The following CNNM1 variants were observed in gnomAD, a reference collection of about 807,000 sequenced individuals.
CNNM1 encodes metal transporter CNNM1.
In CNNM1, 44 loss-of-function variants were observed where a neutral mutation model predicts 78.8. The observed-to-expected ratio is 0.56, with a 90% CI of 0.44 to 0.72. The LOEUF is 0.72. Among genes scored for constraint, CNNM1 ranks in the 30% least tolerant of loss-of-function variants. CNNM1 has a pLI of 0.00. For missense variants in CNNM1, 1,101 were observed against 1,292.2 expected (o/e 0.85, Z 2.27); for synonymous variants, 584 against 581.5 (o/e 1.00, Z -0.06).
chr10:99,356,568 G>GAAAGAAAGAAAAGAAAAGAAAGAA (rs771808053), intron 1 of CNNM1, among the ~76,000 whole-genome samples: 2 of 112,742 alleles, frequency 1.8e-5, no homozygotes, highest in Non-Finnish European at 3.6e-5. Flanking sequence ...CAGACAGAAA[G>GAAAGAAAGAAAAGAAAAGAAAGAA]AAAGAAAGAA....
At chr10:99,370,713 A>C (rs1439048795) in intron 6 of CNNM1, among the ~76,000 whole-genome samples, 1 of 152,230 alleles carries the variant, frequency 6.6e-6, no homozygotes, top group African/African-American at 2.4e-5. Context: ...TTCTCCTAGA[A>C]TATACCAAAG....
intron 1 of CNNM1, among the ~76,000 whole-genome samples, chr10:99,332,137 A>G (rs1269491931): frequency 5.9e-5 from 9 of 152,198 alleles, no homozygotes. Flanking sequence ...AATCAAATCT[A>G]CTTTCAAGAG....
chr10:99,346,081 G>A (rs2030683025), intron 1 of CNNM1, among the ~76,000 whole-genome samples: 1 of 152,106 alleles, frequency 6.6e-6, no homozygotes, highest in Admixed American at 6.5e-5. Context: ...AATCATAGGA[G>A]CCTTTAATGC....
chr10:99,338,998 C>T lies in CNNM1; in HGVS notation c.1573+8038C>T, dbSNP rs992619522. ...CTATTATTGGATTGCTTTTAGGAGA[C>T]ACTGAGTTCTGTATAGACAACAGGG... On this transcript the variant is annotated intron_variant, in intron 1 of 10. Transcript: ENST00000356713. 2.0e-5 allele frequency among the ~76,000 whole-genome samples: 3 copies of T among 152,180 alleles called. No homozygotes were observed. In the South Asian group the frequency reaches 6.2e-4, roughly 32 times the overall value.
At chr10:99,345,868 A>T (rs988541187) in intron 1 of CNNM1, among the ~76,000 whole-genome samples, 13 of 152,120 alleles carry the variant, frequency 8.5e-5, no homozygotes, top group East Asian at 5.8e-4. Flanking sequence ...ATTTAAAAAA[A>T]TTTTTTTAAG....
intron 7 of CNNM1, among the ~76,000 whole-genome samples, chr10:99,380,182 A>G (rs1047263506): frequency 6.6e-6 from 1 of 152,030 alleles, no homozygotes; most frequent in African/African-American, 2.4e-5. Flanking sequence ...TCACCCTTAT[A>G]TCCTAATCAC....
At chr10:99,377,313 G>A in intron 7 of CNNM1, 95 bp downstream of exon 7, 2 of 1,166,272 alleles carry the variant, frequency 1.7e-6, no homozygotes, top group South Asian at 1.5e-5. Flanking sequence ...TAGGAGGGAT[G>A]TGTGCACCAT....
At chr10:99,375,488 C>T (rs781771633) in intron 6 of CNNM1, among the ~76,000 whole-genome samples, 2 of 152,120 alleles carry the variant, frequency 1.3e-5, no homozygotes, top group African/African-American at 2.4e-5. Context: ...ATGACACTTA[C>T]TGAGAAGGGG....
intron 7 of CNNM1, among the ~76,000 whole-genome samples, chr10:99,387,044 T>G (rs899608868): frequency 6.6e-6 from 1 of 152,220 alleles, no homozygotes; most frequent in Admixed American, 6.5e-5. Flanking sequence ...TAGTCTGTTT[T>G]CACTGCTAGC....
chr10:99,390,034 T>C (rs1432127719), intron 9 of CNNM1, among the ~76,000 whole-genome samples: 1 of 152,206 alleles, frequency 6.6e-6, no homozygotes, highest in Non-Finnish European at 1.5e-5. Flanking sequence ...AAACAGTGTT[T>C]GAGAAGAGGG....
At chr10:99,367,547 G>C (rs2031663929) in intron 6 of CNNM1, among the ~76,000 whole-genome samples, 3 of 152,070 alleles carry the variant, frequency 2.0e-5, no homozygotes, top group African/African-American at 7.2e-5. Context: ...ATACAGTTTG[G>C]TGTATACATT....
chr10:99,357,708 C>T, intron 2 of CNNM1, 53 bp downstream of exon 2: 1 of 1,491,828 alleles, frequency 6.7e-7, no homozygotes, highest in Non-Finnish European at 9.0e-7. Flanking sequence ...TCCTCCAAGA[C>T]TCTCAGGTAA....
At chr10:99,369,482 C>T (rs570649484) in intron 6 of CNNM1, among the ~76,000 whole-genome samples, 6 of 152,260 alleles carry the variant, frequency 3.9e-5, no homozygotes, top group Admixed American at 2.0e-4. Context: ...CCTCAGTCAT[C>T]GAGAAATCGC....
At chr10:99,350,723 C>T (rs1342575449) in intron 1 of CNNM1, among the ~76,000 whole-genome samples, 1 of 152,130 alleles carries the variant, frequency 6.6e-6, no homozygotes, top group African/African-American at 2.4e-5. Flanking sequence ...TGGTTTGCTG[C>T]ACCTATCAAC....
chr10:99,378,251 C>G (rs933850792), intron 7 of CNNM1, among the ~76,000 whole-genome samples: 2 of 152,118 alleles, frequency 1.3e-5, no homozygotes, highest in African/African-American at 4.8e-5. Context: ...CGTGAGCCAC[C>G]GCGCCCAGCC....
chr10:99,350,079 T>C (rs183294650), intron 1 of CNNM1, among the ~76,000 whole-genome samples: 19 of 152,310 alleles, frequency 1.2e-4, no homozygotes, highest in Admixed American at 9.2e-4. Flanking sequence ...AGGGCAGGGA[T>C]GGGACCTCAG....
chr10:99,356,604 G>GAAAAAT (rs67360569), intron 1 of CNNM1, among the ~76,000 whole-genome samples: 2 of 64,696 alleles, frequency 3.1e-5, no homozygotes, highest in East Asian at 1.1e-3. Flanking sequence ...AAGAAAGAAA[G>GAAAAAT]AAAAGAAAGA....
At chr10:99,368,655 A>AG in intron 6 of CNNM1, 1 of 1,289,632 alleles carries the variant, frequency 7.8e-7, no homozygotes, top group Non-Finnish European at 1.0e-6. Context: ...CTGTCAGCAG[A>AG]GGGGACTCTC....
chr10:99,382,238 G>T lies in CNNM1; in HGVS notation c.2340+5020G>T, dbSNP rs1424010944. ...TGCATCTAATAGTTATCTGGGAAAGGTGTTAAACAAAGCCATGATTAATGG... is the reference window on the plus strand; with the variant it reads ...TGCATCTAATAGTTATCTGGGAAAGTTGTTAAACAAAGCCATGATTAATGG... On this transcript the variant is annotated intron_variant, in intron 7 of 10. Coordinates refer to ENST00000356713, the MANE Select transcript of CNNM1 (RefSeq NM_020348.3). 3.9e-5 allele frequency among the ~76,000 whole-genome samples: 6 copies of T among 152,202 alleles called. No individual in the cohort carries two copies. The South Asian group carries it at 6.2e-4, about 16-fold the overall frequency.
Sources: allele counts gnomAD v4.1 joint callset (sites outside exome capture counted in the v4.1 genomes callset), GRCh38; gene constraint gnomAD v4.1.1; transcripts MANE v1.5; gene names NCBI Gene and HGNC (gene_info 2026-07-23, HGNC 2026-07-21).